TNKS: variants seen among roughly 807,000 people sequenced by gnomAD.
TNKS encodes tankyrase, also known as poly [ADP-ribose] polymerase tankyrase-1.
Under a neutral mutation model 135.8 loss-of-function variants are expected in TNKS, and 72 were observed. That is an observed-to-expected ratio of 0.53 (90% CI 0.44 to 0.64). TNKS has a LOEUF of 0.64. Ranked by LOEUF, TNKS falls within the 30% of genes least tolerant of loss-of-function variation. The pLI is 0.00. For missense variants in TNKS, 1,769 were observed against 1,674.0 expected (o/e 1.06, Z -0.99); for synonymous variants, 849 against 649.3 (o/e 1.31, Z -4.68).
At chr8:9,572,677 G>A (rs985186631) in intron 1 of TNKS, among the ~76,000 whole-genome samples, 8 of 152,302 alleles carry the variant, frequency 5.3e-5, no homozygotes, top group South Asian at 2.1e-4. Context: ...ATGTTGAGAT[G>A]GGGCTGCTGT....
intron 3 of TNKS, among the ~76,000 whole-genome samples, chr8:9,643,894 G>T (rs539825911): frequency 6.6e-6 from 1 of 152,118 alleles, no homozygotes; most frequent in Admixed American, 6.5e-5. Context: ...GAGATAAACC[G>T]ATAAATAAAA....
At chr8:9,732,332 A>T (rs1805487459) in intron 14 of TNKS, among the ~76,000 whole-genome samples, 1 of 152,198 alleles carries the variant, frequency 6.6e-6, no homozygotes, top group Non-Finnish European at 1.5e-5. Context: ...ACTGATATTA[A>T]TTCCCGTGTT....
intron 25 of TNKS, among the ~76,000 whole-genome samples, chr8:9,768,215 C>T (rs573256912): frequency 6.6e-6 from 1 of 152,180 alleles, no homozygotes; most frequent in Admixed American, 6.5e-5. Context: ...AGTATTTGGC[C>T]AGTGCAGCCC....
At chr8:9,640,953 G>A (rs1800702919) in intron 3 of TNKS, among the ~76,000 whole-genome samples, 1 of 145,696 alleles carries the variant, frequency 6.9e-6, no homozygotes, top group South Asian at 2.2e-4. Flanking sequence ...TTTTCTAATA[G>A]CATCCAATCC....
intron 1 of TNKS, among the ~76,000 whole-genome samples, chr8:9,568,858 A>G (rs971640751): frequency 1.3e-5 from 2 of 152,206 alleles, no homozygotes; most frequent in Non-Finnish European, 2.9e-5. Context: ...GTTAGTTGCA[A>G]CGTAGAATCT....
chr8:9,712,583 T>C (rs772037232), intron 11 of TNKS, among the ~76,000 whole-genome samples: 7 of 152,184 alleles, frequency 4.6e-5, no homozygotes, highest in Non-Finnish European at 7.3e-5. Flanking sequence ...GGATATTTTC[T>C]AGCATAAGTA....
intron 3 of TNKS, among the ~76,000 whole-genome samples, chr8:9,635,538 A>G (rs1019459772): frequency 2.0e-5 from 3 of 152,238 alleles, no homozygotes; most frequent in Non-Finnish European, 2.9e-5. Flanking sequence ...GTATAATTAT[A>G]TGATTCTCAG....
chr8:9,715,710 T>C (rs1446388957), intron 11 of TNKS, among the ~76,000 whole-genome samples: 1 of 152,066 alleles, frequency 6.6e-6, no homozygotes, highest in Non-Finnish European at 1.5e-5. Flanking sequence ...AGAAAACAAA[T>C]TGCTAGTAAG....
chr8:9,718,132 A>G (rs1804698919), intron 11 of TNKS, among the ~76,000 whole-genome samples: 3 of 152,098 alleles, frequency 2.0e-5, no homozygotes, highest in African/African-American at 7.2e-5. Flanking sequence ...AGAACCTATC[A>G]TTTGTTCTTC....
chr8:9,689,949 TATGAAAA>T (rs1484882310), intron 5 of TNKS, among the ~76,000 whole-genome samples: 1 of 152,218 alleles, frequency 6.6e-6, no homozygotes, highest in Non-Finnish European at 1.5e-5. Flanking sequence ...GATGCTTAGA[TATGAAAA>T]CCTAAGATTG....
At chr8:9,661,429 G>A (rs868041734) in intron 3 of TNKS, among the ~76,000 whole-genome samples, 5 of 151,924 alleles carry the variant, frequency 3.3e-5, no homozygotes, top group Admixed American at 6.6e-5. Flanking sequence ...AAATAATGCC[G>A]CATATCTACA....
chr8:9,663,613 C>G (rs1045775999), intron 3 of TNKS, among the ~76,000 whole-genome samples: 1 of 152,168 alleles, frequency 6.6e-6, no homozygotes, highest in African/African-American at 2.4e-5. Flanking sequence ...AGGCTACTCG[C>G]TAGTAGTAGG....
intron 2 of TNKS, among the ~76,000 whole-genome samples, chr8:9,596,735 C>T (rs1326530867): frequency 6.6e-6 from 1 of 152,212 alleles, no homozygotes; most frequent in Non-Finnish European, 1.5e-5. Flanking sequence ...TCTAAATTTA[C>T]TGTGGTACAC....
At chr8:9,697,877 A>C (rs1024543966) in intron 5 of TNKS, among the ~76,000 whole-genome samples, 1 of 152,190 alleles carries the variant, frequency 6.6e-6, no homozygotes, top group Non-Finnish European at 1.5e-5. Context: ...AGCTACCATT[A>C]GGCCCAGCAA....
At chr8:9,679,812 C>T (rs972713925) in intron 3 of TNKS, 139 bp from the exon 4 acceptor site, 12 of 621,238 alleles carry the variant, frequency 1.9e-5, no homozygotes, top group Middle Eastern at 2.9e-4. Flanking sequence ...AGCTGGCTAA[C>T]GTCACGGCTC....
In TNKS at chr8:9,720,409, G is replaced by A; in HGVS notation, c.1785G>A (p.Leu595=). 6.2e-7 allele frequency: 1 copy of A among 1,613,724 alleles called. No homozygotes were observed. The highest frequency in any genetic ancestry group is 8.5e-7 in the Non-Finnish European group (1 of 1,179,842). The change falls in exon 12 of 27, where the codon TTG becomes TTA. Residue 595 remains leucine (L), a synonymous_variant. Coordinates refer to ENST00000310430, the MANE Select transcript of TNKS (RefSeq NM_003747.3). The part of the protein sequence containing the change: ...NALDTLGQTA[L]HRAALAGHLQ... Reference sequence around the variant, plus strand: ...TGGACACCCTTGGTCAGACTGCTTTGCATAGAGCCGCCCTAGCAGGTCACC... The same window carrying A: ...TGGACACCCTTGGTCAGACTGCTTTACATAGAGCCGCCCTAGCAGGTCACC...
At chr8:9,597,884 A>C (rs145683761) in intron 2 of TNKS, among the ~76,000 whole-genome samples, 51 of 152,330 alleles carry the variant, frequency 3.3e-4, no homozygotes, top group African/African-American at 1.2e-3. Context: ...ATGTGATTCA[A>C]TACTATCATT....
chr8:9,629,751 C>T (rs1585252147), intron 3 of TNKS, among the ~76,000 whole-genome samples: 4 of 152,206 alleles, frequency 2.6e-5, no homozygotes, highest in East Asian at 3.9e-4. Flanking sequence ...GGTGTCATCT[C>T]GGCTCACTGC....
chr8:9,680,299 C>G (rs1298723473), intron 4 of TNKS, among the ~76,000 whole-genome samples: 1 of 152,060 alleles, frequency 6.6e-6, no homozygotes, highest in African/African-American at 2.4e-5. Context: ...GAAGATTTTT[C>G]TAGCAAAGCT....
Sources: allele counts gnomAD v4.1 joint callset (sites outside exome capture counted in the v4.1 genomes callset), GRCh38; gene constraint gnomAD v4.1.1; transcripts MANE v1.5; gene names NCBI Gene and HGNC (gene_info 2026-07-23, HGNC 2026-07-21).